SGCZ: variants seen among roughly 807,000 people sequenced by gnomAD.
SGCZ encodes zeta-sarcoglycan.
In SGCZ, 40 loss-of-function variants were observed where a neutral mutation model predicts 41.3. The observed-to-expected ratio is 0.97, with a 90% confidence interval of 0.75 to 1.26. The LOEUF (loss-of-function observed/expected upper bound fraction) is 1.26, where lower values mean the gene tolerates loss of function less well. Ranked by LOEUF, SGCZ falls within the 50% of genes most tolerant of loss-of-function variation. The pLI is 0.00. For missense variants in SGCZ, 552 were observed against 369.8 expected (o/e 1.49, Z -4.04); for synonymous variants, 206 against 137.5 (o/e 1.50, Z -3.49).
intron 2 of SGCZ, among the ~76,000 whole-genome samples, chr8:14,523,216 A>T (rs1229554242): frequency 5.9e-5 from 9 of 152,052 alleles, no homozygotes; most frequent in Admixed American, 5.9e-4. Context: ...TCTAGAAAAG[A>T]TGGGAAAATC....
chr8:14,338,719 T>C (rs1802587706), intron 2 of SGCZ, among the ~76,000 whole-genome samples: 1 of 152,222 alleles, frequency 6.6e-6, no homozygotes, highest in African/African-American at 2.4e-5. Context: ...AAAACTTTCT[T>C]ATGAAATAGA....
chr8:14,441,711 A>C (rs1263877584), intron 2 of SGCZ, among the ~76,000 whole-genome samples: 3 of 152,238 alleles, frequency 2.0e-5, no homozygotes, highest in Admixed American at 2.0e-4. Flanking sequence ...TTTGCAGTTA[A>C]TACATCAATG....
intron 7 of SGCZ, among the ~76,000 whole-genome samples, chr8:14,090,860 C>A (rs907135151): frequency 2.6e-5 from 4 of 151,954 alleles, no homozygotes; most frequent in African/African-American, 9.7e-5. Flanking sequence ...GACAGAAAGC[C>A]CTCAATCTGA....
chr8:14,427,278 C>G (rs188482608), intron 2 of SGCZ, among the ~76,000 whole-genome samples: 3 of 152,124 alleles, frequency 2.0e-5, no homozygotes, highest in African/African-American at 7.2e-5. Context: ...ACAACAAACC[C>G]CCATGACATA....
At chr8:15,040,003 A>T (rs1804029096) in intron 1 of SGCZ, among the ~76,000 whole-genome samples, 1 of 152,242 alleles carries the variant, frequency 6.6e-6, no homozygotes, top group African/African-American at 2.4e-5. Flanking sequence ...TTGCAAAAAA[A>T]GTTAATAACC....
chr8:14,140,464 C>T (rs1803334933), intron 5 of SGCZ, among the ~76,000 whole-genome samples: 1 of 152,202 alleles, frequency 6.6e-6, no homozygotes, highest in African/African-American at 2.4e-5. Flanking sequence ...TAAGCAACTT[C>T]AGCAAAGTCT....
intron 1 of SGCZ, among the ~76,000 whole-genome samples, chr8:15,132,931 A>G (rs1336358286): frequency 6.6e-6 from 1 of 152,160 alleles, no homozygotes; most frequent in Non-Finnish European, 1.5e-5. Flanking sequence ...GCATGAGCCC[A>G]AGAGTTCAAG....
Position 14,141,821 on chromosome 8 carries a change from T to C in SGCZ, c.547+22759A>G, listed in dbSNP as rs182401185. ...CCCAGCCATCCCATTACTGGGTATA[T>C]ACCCAAAAGATTATAAAACATGTTG... On this transcript the variant is annotated intron_variant, in intron 5 of 7. Coordinates refer to ENST00000382080, the MANE Select transcript of SGCZ (RefSeq NM_139167.4). Among the ~76,000 whole-genome samples, 1,475 of 152,302 alleles carry C rather than the reference T, an allele frequency of 9.7e-3. 11 individuals are homozygous for C. Among genetic ancestry groups the C allele is most frequent in the Non-Finnish European group, 0.015 (1,038 of 68,026 alleles).
intron 1 of SGCZ, among the ~76,000 whole-genome samples, chr8:14,749,697 A>G (rs1385551466): frequency 6.6e-6 from 1 of 152,122 alleles, no homozygotes; most frequent in Non-Finnish European, 1.5e-5. Context: ...ATATACACAT[A>G]CAAAATAACT....
intron 1 of SGCZ, among the ~76,000 whole-genome samples, chr8:15,218,605 T>G (rs901051588): frequency 6.6e-6 from 1 of 152,222 alleles, no homozygotes; most frequent in African/African-American, 2.4e-5. Context: ...CTACCAATAC[T>G]GTTTCTTGCA....
At chr8:14,360,382 G>A (rs1803467031) in intron 2 of SGCZ, among the ~76,000 whole-genome samples, 1 of 151,396 alleles carries the variant, frequency 6.6e-6, no homozygotes, top group Non-Finnish European at 1.5e-5. Context: ...CACCCAGACT[G>A]GAGCATGATC....
intron 4 of SGCZ, among the ~76,000 whole-genome samples, chr8:14,190,883 T>C (rs1400039606): frequency 6.6e-6 from 1 of 152,160 alleles, no homozygotes; most frequent in Non-Finnish European, 1.5e-5. Context: ...ATTACAGGCA[T>C]GAGCCACCAC....
chr8:14,603,720 A>T (rs562512872), intron 1 of SGCZ, among the ~76,000 whole-genome samples: 1 of 152,166 alleles, frequency 6.6e-6, no homozygotes. Flanking sequence ...GTTGTTGTTA[A>T]TTTTTCACAG....
At chr8:14,773,133 G>C (rs576382669) in intron 1 of SGCZ, among the ~76,000 whole-genome samples, 2 of 152,288 alleles carry the variant, frequency 1.3e-5, no homozygotes, top group Admixed American at 6.5e-5. Context: ...ACTGGTGTGA[G>C]ATGGTATCTC....
intron 1 of SGCZ, among the ~76,000 whole-genome samples, chr8:15,095,034 T>C (rs1806290105): frequency 6.6e-6 from 1 of 152,196 alleles, no homozygotes; most frequent in Non-Finnish European, 1.5e-5. Context: ...ATGCACTCTA[T>C]ATTGTGAAGT....
At chr8:14,107,287 T>G (rs1263340592) in intron 6 of SGCZ, among the ~76,000 whole-genome samples, 2 of 151,994 alleles carry the variant, frequency 1.3e-5, no homozygotes, top group Non-Finnish European at 2.9e-5. Context: ...GGATCTAGAT[T>G]TTATTATTTT....
At chr8:14,726,778 T>C (rs1397299) in intron 1 of SGCZ, among the ~76,000 whole-genome samples, 45,281 of 151,856 alleles carry the variant, frequency 0.3, 7,195 homozygotes, top group East Asian at 0.44. Flanking sequence ...TTAATTCAGA[T>C]ATAAACAATA....
chr8:14,702,207 T>C (rs964747270), intron 1 of SGCZ, among the ~76,000 whole-genome samples: 1 of 152,012 alleles, frequency 6.6e-6, no homozygotes, highest in South Asian at 2.1e-4. Context: ...TTCTATTTGT[T>C]GAAATGCCCT....
chr8:14,153,385 G>A (rs968278639), intron 5 of SGCZ, among the ~76,000 whole-genome samples: 4 of 152,112 alleles, frequency 2.6e-5, no homozygotes, highest in Non-Finnish European at 5.9e-5. Context: ...GTGAGCTCCA[G>A]CCTACCTCTG....
Sources: gnomAD v4.1 joint callset for allele counts (sites outside exome capture counted in the v4.1 genomes callset) on GRCh38, gnomAD v4.1.1 for gene constraint, MANE v1.5 for transcripts, NCBI Gene and HGNC (gene_info 2026-07-23, HGNC 2026-07-21) for gene names.